The following MYO5A variants were observed in gnomAD, a reference collection of about 807,000 sequenced individuals.
The protein encoded by MYO5A is unconventional myosin-Va.
A neutral mutation model predicts 249.7 loss-of-function variants in MYO5A; 98 were observed. That is an observed-to-expected ratio of 0.39 (90% CI 0.33 to 0.46). The LOEUF (loss-of-function observed/expected upper bound fraction) is 0.46. Ranked by LOEUF, MYO5A falls within the 20% of genes least tolerant of loss-of-function variation. The pLI is 0.98. For synonymous variants in MYO5A, 778 were observed against 810.6 expected, an observed-to-expected ratio of 0.96 and a Z score of 0.68; for missense variants, 1,696 against 2,308.8, an observed-to-expected ratio of 0.73 and a Z score of 5.44.
At chr15:52,435,055 A>C (rs1382750249) in intron 1 of MYO5A, among the ~76,000 whole-genome samples, 3 of 152,204 alleles carry the variant, frequency 2.0e-5, no homozygotes, top group Non-Finnish European at 4.4e-5. Context: ...GACTATTCTA[A>C]GTACTGGGCA....
chr15:52,519,030 AATT>A (rs1451467282), intron 1 of MYO5A, among the ~76,000 whole-genome samples: 9 of 152,204 alleles, frequency 5.9e-5, no homozygotes, highest in Non-Finnish European at 1.2e-4. Context: ...GGGTAGATAA[AATT>A]AAATAGTAGG....
At position 52,351,187 on chromosome 15, in the gene MYO5A, G is replaced by T. The variant is rs1375736962; in HGVS notation, c.3849+67C>A. On this transcript the variant is annotated intron_variant, in intron 28 of 41. Coordinates refer to ENST00000399233, the MANE Select transcript of MYO5A (RefSeq NM_001382347.1). The stretch of plus-strand genomic sequence containing the variant: ...AGTGTTTGCTGCATTATAAACTGGA[G>T]GGAAGGGATAAGAAGATATTGAGGC... 2.5e-6 allele frequency: 3 copies of T among 1,200,528 alleles called. No individual in the cohort carries two copies. In the African/African-American group the frequency reaches 4.5e-5, roughly 18 times the overall value. 74.4% of individuals were successfully genotyped at this position (1,200,528 alleles called of 1,614,324 possible). A position where few individuals can be genotyped will look rare whatever the true frequency, so the allele number is the denominator to read the frequency against.
intron 1 of MYO5A, among the ~76,000 whole-genome samples, chr15:52,450,848 T>TTGTTTTTTG (rs552733806): frequency 2.5e-5 from 2 of 78,442 alleles, no homozygotes; most frequent in African/African-American, 7.1e-5. Context: ...CTGTGGTTTT[T>TTGTTTTTTG]TTTTTTTTTT....
At chr15:52,456,259 A>T (rs1017186067) in intron 1 of MYO5A, among the ~76,000 whole-genome samples, 2 of 152,190 alleles carry the variant, frequency 1.3e-5, no homozygotes, top group African/African-American at 4.8e-5. Flanking sequence ...TAACCAAAGA[A>T]GTAAAACATC....
rs939726413 is a variant in MYO5A, at chr15:52,310,465, C to T, written c.*3231G>A. The T allele has an allele frequency of 6.6e-6, 1 of 152,222 alleles. No individual in the cohort carries two copies. The allele number at this position is 152,222 out of a possible 1,614,324, so 9.4% of individuals were successfully genotyped here. ...AAAGAACTGTTGTGACTTTTAAGAT[C>T]TCTTCCTTTGAATTCCCATTGTGTG... On this transcript the variant is annotated 3_prime_UTR_variant, in exon 42 of 42. Coordinates refer to ENST00000399233, the MANE Select transcript of MYO5A (RefSeq NM_001382347.1).
chr15:52,472,338 T>A (rs1286393960), intron 1 of MYO5A, among the ~76,000 whole-genome samples: 1 of 152,152 alleles, frequency 6.6e-6, no homozygotes, highest in Non-Finnish European at 1.5e-5. Flanking sequence ...CTCGGTCTCC[T>A]AAAGTGCTGG....
chr15:52,507,915 C>T (rs2077308766), intron 1 of MYO5A, among the ~76,000 whole-genome samples: 1 of 151,592 alleles, frequency 6.6e-6, no homozygotes, highest in Non-Finnish European at 1.5e-5. Flanking sequence ...GCCAATAATG[C>T]TACCTAAGAG....
At chr15:52,371,894 TA>T (rs1375241322) in intron 21 of MYO5A, among the ~76,000 whole-genome samples, 3 of 71,526 alleles carry the variant, frequency 4.2e-5, no homozygotes, top group Non-Finnish European at 7.0e-5. Context: ...ATAATAATAA[TA>T]ATAATAATAA....
intron 1 of MYO5A, among the ~76,000 whole-genome samples, chr15:52,504,449 G>C (rs768374974): frequency 6.6e-6 from 1 of 152,134 alleles, no homozygotes; most frequent in Non-Finnish European, 1.5e-5. Flanking sequence ...GACTAGAATT[G>C]ATCTTTCACC....
chr15:52,360,127 C>T (rs2040443609), intron 24 of MYO5A, 46 bp from the exon 25 acceptor site: 1 of 1,318,206 alleles, frequency 7.6e-7, no homozygotes, highest in African/African-American at 1.5e-5. Context: ...CATAATTAGT[C>T]TAGGCATAGT....
chr15:52,497,691 A>T (rs929187349), intron 1 of MYO5A, among the ~76,000 whole-genome samples: 2 of 131,480 alleles, frequency 1.5e-5, no homozygotes, highest in Non-Finnish European at 3.1e-5. Flanking sequence ...CGGGAGGTGG[A>T]GGTTGCAGTG....
In MYO5A at chr15:52,433,291, AG is replaced by A. The variant is rs1198356451; in HGVS notation, c.28-7del. The A allele has an allele frequency of 6.3e-7, 1 of 1,588,124 alleles. No homozygotes were observed. Among genetic ancestry groups the A allele is most frequent in the Non-Finnish European group, 8.6e-7 (1 of 1,156,642 alleles). On this transcript the variant is annotated splice_region_variant and splice_polypyrimidine_tract_variant and intron_variant, in intron 1 of 41. Transcript: ENST00000399233. ...GGTATCCAAACCCTGGCAAACTAGA[AG>A]ACAAAAAGAAAAAAATTTAAACTAG...
chr15:52,392,280 T>C (rs1301284439), intron 11 of MYO5A, among the ~76,000 whole-genome samples: 1 of 152,228 alleles, frequency 6.6e-6, no homozygotes, highest in African/African-American at 2.4e-5. Context: ...AATCTAGGTA[T>C]ATAAATATTT....
intron 1 of MYO5A, among the ~76,000 whole-genome samples, chr15:52,524,470 C>A (rs2077690693): frequency 6.6e-6 from 1 of 151,940 alleles, no homozygotes; most frequent in Middle Eastern, 3.2e-3. Context: ...GGGAGGATGG[C>A]TTGCACCTGG....
chr15:52,381,344 A>T (rs547901943), intron 16 of MYO5A, among the ~76,000 whole-genome samples: 1 of 152,258 alleles, frequency 6.6e-6, no homozygotes, highest in East Asian at 1.9e-4. Flanking sequence ...AGTCCTTCAG[A>T]ACTGTGCTCC....
In MYO5A at chr15:52,351,327, A is replaced by G; in HGVS notation, c.3776T>C (p.Leu1259Pro). 6.2e-7 allele frequency: 1 copy of G among 1,614,134 alleles called. No individual in the cohort carries two copies. Residue 1259 changes from leucine (L) to proline (P), a missense_variant, in exon 28 of 42, where the codon CTT (leucine) becomes CCT (proline). Leu to Pro is a moderately conservative substitution (Grantham distance 98, BLOSUM62 -3). This residue lies in a region of MYO5A where 625 missense variants were observed against 908.1 expected (regional missense o/e 0.69). Coordinates refer to ENST00000399233, the MANE Select transcript of MYO5A (RefSeq NM_001382347.1). ...GAGGACTTCCTCCTTGCGGACATCA[A>G]GCTCCTCGCTCACAGAGGTCAGCTG... ...MEQLTSVSEELDVRKEEVLIL... is the reference protein window; with the variant it reads ...MEQLTSVSEEPDVRKEEVLIL...
chr15:52,382,989 T>C, intron 16 of MYO5A, 102 bp downstream of exon 16: 1 of 1,018,742 alleles, frequency 9.8e-7, no homozygotes, highest in African/African-American at 1.6e-5. Flanking sequence ...CCCAAATATT[T>C]TTTTCCTTAT....
At chr15:52,504,054 C>CTCCTTTTTTTTT (rs1555386579) in intron 1 of MYO5A, among the ~76,000 whole-genome samples, 3 of 122,992 alleles carry the variant, frequency 2.4e-5, no homozygotes, top group African/African-American at 9.1e-5. Context: ...GTTTCTCCTT[C>CTCCTTTTTTTTT]TTTTTTTTTT....
rs550096656 is a variant in MYO5A, at chr15:52,349,527, C to T, written c.3850-701G>A. ...AGGAGAGCAGCTGTCACATGGGGTACGTGAGCCGGGCAAGGGAGAATGTGT... is the reference window on the plus strand; with the variant it reads ...AGGAGAGCAGCTGTCACATGGGGTATGTGAGCCGGGCAAGGGAGAATGTGT... On this transcript the variant is annotated intron_variant, in intron 28 of 41. Transcript: ENST00000399233. Among the ~76,000 whole-genome samples the T allele has an allele frequency of 3.3e-5, 5 of 152,244 alleles. No individual in the cohort carries two copies. The East Asian group carries it at 7.7e-4, about 23-fold the overall frequency.
Sources: gnomAD v4.1 joint callset for allele counts (sites outside exome capture counted in the v4.1 genomes callset) on GRCh38, gnomAD v4.1.1 for gene constraint, gnomAD v4.1.1 regional missense constraint, MANE v1.5 for transcripts, NCBI Gene and HGNC (gene_info 2026-07-23, HGNC 2026-07-21) for gene names.